PRPF8: variants seen among roughly 807,000 people sequenced by gnomAD.
PRPF8 encodes the protein pre-mRNA processing factor 8.
A neutral mutation model predicts 285.9 loss-of-function variants in PRPF8; 64 were observed. The ratio of observed to expected loss-of-function variants is 0.22; its 90% CI spans 0.18 to 0.28. PRPF8 has a LOEUF of 0.28. PRPF8 is among the 10% of genes least tolerant of loss of function. The probability of loss-of-function intolerance (pLI) is 1.00; values close to 1 mark genes in which losing one functional copy is unlikely to be tolerated. For synonymous variants in PRPF8, 1,325 were observed against 1,118.2 expected (o/e 1.18, Z -3.69); for missense variants, 1,426 against 3,026.7 (o/e 0.47, Z 12.41).
chr17:1,656,334 T>C (rs1911386013), intron 36 of PRPF8, 58 bp downstream of exon 36: 2 of 1,606,826 alleles, frequency 1.2e-6, no homozygotes, highest in Admixed American at 3.3e-5. Flanking sequence ...ACACAGGATC[T>C]TCTCCTAACC....
rs1212757035 is a variant in PRPF8 at position 1,651,823 on chromosome 17, T to G, written c.6370-35A>C. 6.2e-7 allele frequency: 1 copy of G among 1,611,282 alleles called. No homozygotes were observed. Among genetic ancestry groups the G allele is most frequent in the South Asian group, 1.1e-5 (1 of 91,034 alleles). ...AAGGGGTCAGGAACCAAAACTCTTC[T>G]TAGTACCAGGTCAGAGTTGGAGCTG... On this transcript the variant is annotated intron_variant, in intron 39 of 42. Transcript: ENST00000304992. This position sits in a 1 kb window ranked among gnomAD's most constrained non-coding sequence, Gnocchi z 5.1.
chr17:1,663,710 CAAAAAAAAAAAAAAAA>C (rs58454297), intron 24 of PRPF8, among the ~76,000 whole-genome samples: 2 of 17,112 alleles, frequency 1.2e-4, no homozygotes, highest in Non-Finnish European at 2.4e-4. Flanking sequence ...GACTCCATCT[CAAAAAAAAAAAAAAAA>C]AAAAAAAAAA....
Position 1,659,606 on chromosome 17 carries a change from G to A in PRPF8, c.4947-58C>T, listed in dbSNP as rs1911577909. On this transcript the variant is annotated intron_variant, in intron 31 of 42. Coordinates refer to ENST00000304992, the MANE Select transcript of PRPF8 (RefSeq NM_006445.4). This position sits in a 1 kb window ranked among gnomAD's most constrained non-coding sequence, Gnocchi z 5.1. ...ACCATGGGCATAACCAATGTCCCCA[G>A]AACCAGAACCACTTAAATCCCAAAA... 12 of 1,593,498 alleles carry A rather than the reference G, an allele frequency of 7.5e-6. No homozygotes were observed. In the South Asian group the frequency reaches 8.8e-5, roughly 12 times the overall value.
chr17:1,675,473 G>T lies in PRPF8; in HGVS notation c.2873-134C>A. On this transcript the variant is annotated intron_variant, in intron 19 of 42. Transcript: ENST00000304992. The surrounding 1 kb of genome is among the most constrained non-coding windows in gnomAD (Gnocchi z 6.0). ...ATTCATTTGGATTGCTTTGACTATGGGCTTTTCCTCAGTTTAACACGAACA... is the reference window on the plus strand; with the variant it reads ...ATTCATTTGGATTGCTTTGACTATGTGCTTTTCCTCAGTTTAACACGAACA... 1 of 1,447,778 alleles carries T rather than the reference G, an allele frequency of 6.9e-7. No individual in the cohort carries two copies. Among genetic ancestry groups the T allele is most frequent in the Non-Finnish European group, 9.7e-7 (1 of 1,033,766 alleles). 89.7% of individuals were successfully genotyped at this position (1,447,778 alleles called of 1,614,324 possible). A position where few individuals can be genotyped will look rare whatever the true frequency, so the allele number is the denominator to read the frequency against.
rs757140944 is a variant in PRPF8 at position 1,675,115 on chromosome 17, CCA to C, written c.3060+35_3060+36del. On this transcript the variant is annotated intron_variant, in intron 20 of 42. Transcript: ENST00000304992. The surrounding 1 kb of genome is among the most constrained non-coding windows in gnomAD (Gnocchi z 6.0). ...TGAGTCAGTGGGCCAGACAAGCACTCCACACACAATTCCATGCTACTGCGCCT... is the reference window on the plus strand; with the variant it reads ...TGAGTCAGTGGGCCAGACAAGCACTCCACACAATTCCATGCTACTGCGCCT... 8.1e-6 allele frequency: 13 copies of C among 1,611,216 alleles called. 1 individual carries two copies. Among genetic ancestry groups the C allele is most frequent in the African/African-American group, 8.0e-5 (6 of 74,960 alleles).
chr17:1,655,262 T>C, intron 37 of PRPF8, 88 bp downstream of exon 37: 2 of 1,503,750 alleles, frequency 1.3e-6, no homozygotes, highest in Non-Finnish European at 1.8e-6. Context: ...CTGGCCTTCT[T>C]GAGAAACTTC....
Position 1,656,437 on chromosome 17 carries a change from G to A in PRPF8, c.5748C>T (p.Leu1916=), listed in dbSNP as rs34024815. The A allele has an allele frequency of 8.4e-5, 136 of 1,614,202 alleles. No homozygotes were observed. In the African/African-American group the frequency reaches 1.6e-3, roughly 19 times the overall value. ...TGAGCCAGTCGTCATAGAGGTTGAAGAGAACCATCTGGGGCTCAGTGGCTT... is the reference window on the plus strand; with the variant it reads ...TGAGCCAGTCGTCATAGAGGTTGAAAAGAACCATCTGGGGCTCAGTGGCTT... ...ILKATEPQMV[L]FNLYDDWLKT... Residue 1916 remains leucine (L), a synonymous_variant, in exon 36 of 43, where the codon CTC becomes CTT. Transcript: ENST00000304992.
intron 6 of PRPF8, 80 bp downstream of exon 6, chr17:1,681,398 A>C: frequency 7.0e-7 from 1 of 1,430,938 alleles, no homozygotes; most frequent in Non-Finnish European, 9.9e-7. Context: ...CTAATTTGGA[A>C]GTTATATCAG....
intron 24 of PRPF8, among the ~76,000 whole-genome samples, chr17:1,670,711 TC>T (rs1187312752): frequency 2.0e-5 from 3 of 152,122 alleles, no homozygotes; most frequent in Non-Finnish European, 4.4e-5. Flanking sequence ...GGTCTCAAAC[TC>T]CTGACCTCAG....
intron 14 of PRPF8, 157 bp from the exon 15 acceptor site, chr17:1,677,329 A>AG: frequency 1.0e-6 from 1 of 965,496 alleles, no homozygotes; most frequent in Non-Finnish European, 1.6e-6. Flanking sequence ...GAGCTACCTT[A>AG]AACATTCACA....
In PRPF8 at chr17:1,675,462, C is replaced by T; in HGVS notation, c.2873-123G>A. The T allele has an allele frequency of 6.9e-7, 1 of 1,451,626 alleles. No homozygotes were observed. Among genetic ancestry groups the T allele is most frequent in the East Asian group, 2.3e-5 (1 of 44,200 alleles). The allele number at this position is 1,451,626 out of a possible 1,614,324, so 89.9% of individuals were successfully genotyped here. Reference sequence around the variant, plus strand: ...TGATTCCACGTATTCATTTGGATTGCTTTGACTATGGGCTTTTCCTCAGTT... The same window carrying T: ...TGATTCCACGTATTCATTTGGATTGTTTTGACTATGGGCTTTTCCTCAGTT... On this transcript the variant is annotated intron_variant, in intron 19 of 42. Coordinates refer to ENST00000304992, the MANE Select transcript of PRPF8 (RefSeq NM_006445.4). This position sits in a 1 kb window ranked among gnomAD's most constrained non-coding sequence, Gnocchi z 6.0.
At position 1,659,809 on chromosome 17, in the gene PRPF8, G is replaced by C. The variant is rs1182258943; in HGVS notation, c.4946+32C>G. The C allele has an allele frequency of 6.2e-7, 1 of 1,610,252 alleles. No individual in the cohort carries two copies. The highest frequency in any genetic ancestry group is 1.3e-5 in the African/African-American group (1 of 74,860). On this transcript the variant is annotated intron_variant, in intron 31 of 42. Coordinates refer to ENST00000304992, the MANE Select transcript of PRPF8 (RefSeq NM_006445.4). The surrounding 1 kb of genome is among the most constrained non-coding windows in gnomAD (Gnocchi z 5.1). ...AAGAACAGGAAAACGAAAGTGTCCT[G>C]GCTGCCTAGGGCTGGGTCCTGAGGC...
At chr17:1,682,387 C>T in intron 3 of PRPF8, 94 bp from the exon 4 acceptor site, 1 of 1,489,464 alleles carries the variant, frequency 6.7e-7, no homozygotes, top group African/African-American at 1.4e-5. Flanking sequence ...GTTCCACAGT[C>T]CTACCTTACA....
chr17:1,674,429 G>C lies in PRPF8; in HGVS notation c.3299+13C>G, dbSNP rs1373151782. 1 of 1,612,728 alleles carries C rather than the reference G, an allele frequency of 6.2e-7. No homozygotes were observed. The highest frequency in any genetic ancestry group is 1.7e-5 in the Admixed American group (1 of 60,012). On this transcript the variant is annotated intron_variant, in intron 21 of 42. Coordinates refer to ENST00000304992, the MANE Select transcript of PRPF8 (RefSeq NM_006445.4). ...AGTACCCTGCAAGGCTAGGAATCCA[G>C]GAAAGCCCTCACCTGAAAAAAATAT...
At chr17:1,663,484 G>A (rs544438723) in intron 24 of PRPF8, among the ~76,000 whole-genome samples, 3 of 151,466 alleles carry the variant, frequency 2.0e-5, no homozygotes, top group Admixed American at 6.6e-5. Context: ...AGGCTGAGGC[G>A]GGCCTCGGGG....
At chr17:1,671,346 C>T (rs756817233) in intron 24 of PRPF8, among the ~76,000 whole-genome samples, 27 of 152,168 alleles carry the variant, frequency 1.8e-4, no homozygotes, top group Non-Finnish European at 3.5e-4. Context: ...ATTCTGAGCA[C>T]CAACATGACG....
At position 1,658,813 on chromosome 17, in the gene PRPF8, A is replaced by T; in HGVS notation, c.5139-50T>A. On this transcript the variant is annotated intron_variant, in intron 32 of 42. Transcript: ENST00000304992. This position sits in a 1 kb window ranked among gnomAD's most constrained non-coding sequence, Gnocchi z 4.1. ...AAGTTAAGACGAGAATGACAGCCCCAGAAACAAGACAAGCTGCCAACTCTA... is the reference window on the plus strand; with the variant it reads ...AAGTTAAGACGAGAATGACAGCCCCTGAAACAAGACAAGCTGCCAACTCTA... 1 of 1,528,646 alleles carries T rather than the reference A, an allele frequency of 6.5e-7. No homozygotes were observed. Among genetic ancestry groups the T allele is most frequent in the Non-Finnish European group, 9.1e-7 (1 of 1,102,298 alleles). 94.7% of individuals were successfully genotyped at this position (1,528,646 alleles called of 1,614,324 possible). A position where few individuals can be genotyped will look rare whatever the true frequency, so the allele number is the denominator to read the frequency against.
At chr17:1,669,346 T>C (rs1164252407) in intron 24 of PRPF8, among the ~76,000 whole-genome samples, 3 of 152,188 alleles carry the variant, frequency 2.0e-5, no homozygotes, top group Non-Finnish European at 4.4e-5. Context: ...ACTTGGTGAT[T>C]CACCCACCTT....
chr17:1,669,365 A>G (rs1409087589), intron 24 of PRPF8, among the ~76,000 whole-genome samples: 1 of 152,194 alleles, frequency 6.6e-6, no homozygotes, highest in Non-Finnish European at 1.5e-5. Context: ...TTGGCCTCCC[A>G]AAGTGCTGGG....
Sources: allele counts gnomAD v4.1 joint callset (sites outside exome capture counted in the v4.1 genomes callset), GRCh38; gene constraint gnomAD v4.1.1; non-coding constraint Gnocchi (gnomAD v3.1); transcripts MANE v1.5; gene names NCBI Gene and HGNC (gene_info 2026-07-23, HGNC 2026-07-21).